SYT9: variants seen among roughly 807,000 people sequenced by gnomAD.
SYT9 encodes the protein synaptotagmin 9.
A neutral mutation model predicts 48.4 loss-of-function variants in SYT9; 22 were observed. The ratio of observed to expected loss-of-function variants is 0.45; its 90% CI spans 0.32 to 0.65. SYT9 has a LOEUF of 0.65. SYT9 is among the 30% of genes least tolerant of loss of function. The probability of loss-of-function intolerance (pLI) is 0.03; values close to 1 mark genes in which losing one functional copy is unlikely to be tolerated. For missense variants in SYT9, 577 were observed against 622.0 expected (o/e 0.93, Z 0.77); for synonymous variants, 265 against 245.0 (o/e 1.08, Z -0.76).
rs561606194 is a variant in SYT9, at chr11:7,425,572, C to T, written c.1467+4937C>T. 5.2e-4 allele frequency among the ~76,000 whole-genome samples: 79 copies of T among 152,200 alleles called. No homozygotes were observed. The South Asian group carries it at 0.013, about 26-fold the overall frequency. ...ACAAAAAGAAAAGCATGGACTGAAACGTACAATAGGGAAAGTCCTAGAAAG... is the reference window on the plus strand; with the variant it reads ...ACAAAAAGAAAAGCATGGACTGAAATGTACAATAGGGAAAGTCCTAGAAAG... On this transcript the variant is annotated intron_variant, in intron 6 of 6. Transcript: ENST00000318881.
chr11:7,298,935 C>T (rs1319309), intron 1 of SYT9, among the ~76,000 whole-genome samples: 79,915 of 151,890 alleles, frequency 0.53, 21,145 homozygotes, highest in African/African-American at 0.57. Context: ...AGCAATACTT[C>T]TAGGGATTTG....
At chr11:7,440,833 G>A (rs527359763) in intron 6 of SYT9, 3 of 152,198 alleles carry the variant, frequency 2.0e-5, no homozygotes, top group East Asian at 1.9e-4. Flanking sequence ...GTTGCTTAGC[G>A]ACTGATCAGC....
At chr11:7,384,775 A>G (rs1382837763) in intron 3 of SYT9, among the ~76,000 whole-genome samples, 12 of 152,168 alleles carry the variant, frequency 7.9e-5, no homozygotes, top group Admixed American at 5.9e-4. Context: ...CATAGTTTAC[A>G]TGATCTGATC....
chr11:7,288,459 T>C (rs529833613), intron 1 of SYT9, among the ~76,000 whole-genome samples: 5 of 152,234 alleles, frequency 3.3e-5, no homozygotes, highest in Non-Finnish European at 5.9e-5. Context: ...CAGAACTTCA[T>C]GCCCTTTTGG....
chr11:7,322,098 G>C (rs986070311), intron 3 of SYT9, among the ~76,000 whole-genome samples: 6 of 152,102 alleles, frequency 3.9e-5, no homozygotes, highest in African/African-American at 4.8e-5. Context: ...GGGCAGGGAT[G>C]GGGGAAGGAA....
chr11:7,400,644 G>C (rs1478874279), intron 3 of SYT9, among the ~76,000 whole-genome samples: 1 of 152,116 alleles, frequency 6.6e-6, no homozygotes, highest in East Asian at 1.9e-4. Context: ...AAGACAACTA[G>C]AAATTATGTC....
chr11:7,454,540 A>G (rs1016546676), intron 6 of SYT9, among the ~76,000 whole-genome samples: 1 of 152,224 alleles, frequency 6.6e-6, no homozygotes, highest in Non-Finnish European at 1.5e-5. Context: ...AGTGAAGACA[A>G]TGCGAGTAAC....
chr11:7,396,104 A>C lies in SYT9; in HGVS notation c.1045-19938A>C, dbSNP rs762485539. Among the ~76,000 whole-genome samples, 8 of 152,246 alleles carry C rather than the reference A, an allele frequency of 5.3e-5. 1 individual carries two copies. The Middle Eastern group carries it at 0.01, about 194-fold the overall frequency. Reference sequence around the variant, plus strand: ...CTTTATTAGTATTTAGTTTACATATAATAAAATTAACCAATTTTAAGCATA... The same window carrying C: ...CTTTATTAGTATTTAGTTTACATATCATAAAATTAACCAATTTTAAGCATA... On this transcript the variant is annotated intron_variant, in intron 3 of 6. Coordinates refer to ENST00000318881, the MANE Select transcript of SYT9 (RefSeq NM_175733.4).
chr11:7,446,660 C>T (rs182532326), intron 6 of SYT9, among the ~76,000 whole-genome samples: 3 of 152,222 alleles, frequency 2.0e-5, no homozygotes, highest in African/African-American at 7.2e-5. Context: ...GCCATCCCCC[C>T]CAGCCTCTCT....
At chr11:7,332,226 G>A (rs1408068319) in intron 3 of SYT9, among the ~76,000 whole-genome samples, 2 of 152,200 alleles carry the variant, frequency 1.3e-5, no homozygotes, top group South Asian at 2.1e-4. Flanking sequence ...GAGCACCACT[G>A]AGGTATCCCA....
chr11:7,309,069 G>A (rs1186740549), intron 2 of SYT9, among the ~76,000 whole-genome samples: 2 of 152,134 alleles, frequency 1.3e-5, no homozygotes, highest in African/African-American at 4.8e-5. Flanking sequence ...TGCACATTTT[G>A]TTAATTATCT....
chr11:7,345,168 C>T (rs1589960089), intron 3 of SYT9, among the ~76,000 whole-genome samples: 1 of 152,184 alleles, frequency 6.6e-6, no homozygotes, highest in Non-Finnish European at 1.5e-5. Flanking sequence ...CTCTGGTACT[C>T]TACCCTGCAA....
intron 1 of SYT9, among the ~76,000 whole-genome samples, chr11:7,285,064 G>C (rs1186424189): frequency 6.6e-6 from 1 of 152,044 alleles, no homozygotes; most frequent in Non-Finnish European, 1.5e-5. Context: ...CTGGACCATT[G>C]GGCTTTATTT....
At chr11:7,325,253 G>A (rs1192862075) in intron 3 of SYT9, among the ~76,000 whole-genome samples, 2 of 145,160 alleles carry the variant, frequency 1.4e-5, no homozygotes, top group African/African-American at 5.1e-5. Context: ...AGCATGGAAT[G>A]TTCTTCCATT....
intron 1 of SYT9, among the ~76,000 whole-genome samples, chr11:7,259,660 C>G (rs935208080): frequency 6.6e-6 from 1 of 151,992 alleles, no homozygotes; most frequent in Non-Finnish European, 1.5e-5. Context: ...TTTGAACCTT[C>G]TTATATTTAC....
intron 3 of SYT9, among the ~76,000 whole-genome samples, chr11:7,360,934 G>T (rs549426883): frequency 8.1e-4 from 123 of 151,978 alleles, no homozygotes; most frequent in African/African-American, 2.7e-3. Flanking sequence ...TTGGTAACTG[G>T]TTTTTTTCTA....
intron 1 of SYT9, among the ~76,000 whole-genome samples, chr11:7,295,871 T>C (rs1271306912): frequency 1.3e-5 from 2 of 152,226 alleles, no homozygotes; most frequent in Admixed American, 1.3e-4. Flanking sequence ...ATTCGTTTTA[T>C]TTATTTTATA....
At chr11:7,295,259 A>G (rs1475018828) in intron 1 of SYT9, among the ~76,000 whole-genome samples, 1 of 152,244 alleles carries the variant, frequency 6.6e-6, no homozygotes, top group Non-Finnish European at 1.5e-5. Context: ...TTGGTTAGAA[A>G]TAGCTTCAGC....
chr11:7,442,625 G>C (rs1344405763), intron 6 of SYT9, among the ~76,000 whole-genome samples: 1 of 152,122 alleles, frequency 6.6e-6, no homozygotes, highest in Non-Finnish European at 1.5e-5. Context: ...GGCTTCTCTG[G>C]ATTCCTGTCA....
Sources: gnomAD v4.1 joint callset for allele counts (sites outside exome capture counted in the v4.1 genomes callset) on GRCh38, gnomAD v4.1.1 for gene constraint, MANE v1.5 for transcripts, NCBI Gene and HGNC (gene_info 2026-07-23, HGNC 2026-07-21) for gene names.